The following UBE2E2 variants were observed in gnomAD, a reference collection of about 807,000 sequenced individuals.
The protein encoded by UBE2E2 is ubiquitin-conjugating enzyme E2 E2.
A neutral mutation model predicts 24.7 loss-of-function variants in UBE2E2; 6 were observed. That is an observed-to-expected ratio of 0.24 (90% CI 0.13 to 0.48). The LOEUF (loss-of-function observed/expected upper bound fraction) is 0.48, where lower values mean the gene tolerates loss of function less well. Among genes scored for constraint, UBE2E2 ranks in the 20% least tolerant of loss-of-function variants. UBE2E2 has a pLI of 0.99. For synonymous variants in UBE2E2, 104 were observed against 83.6 expected, an observed-to-expected ratio of 1.24 and a Z score of -1.33; for missense variants, 169 against 245.0, an observed-to-expected ratio of 0.69 and a Z score of 2.07.
intron 5 of UBE2E2, among the ~76,000 whole-genome samples, chr3:23,587,154 A>G (rs1696644634): frequency 6.6e-6 from 1 of 152,238 alleles, no homozygotes. Context: ...CCTTGAAAGC[A>G]ATTAAATGTT....
chr3:23,208,460 G>A (rs893985580), intron 1 of UBE2E2, among the ~76,000 whole-genome samples: 1 of 152,068 alleles, frequency 6.6e-6, no homozygotes, highest in African/African-American at 2.4e-5. Context: ...TATGAATAAT[G>A]TTGCTATGAA....
intron 1 of UBE2E2, among the ~76,000 whole-genome samples, chr3:23,203,713 C>T (rs1696038674): frequency 7.1e-6 from 1 of 141,388 alleles, no homozygotes. Flanking sequence ...CTCTTCTCTC[C>T]CTGTCCTCCT....
At chr3:23,559,503 G>A (rs1252217653) in intron 5 of UBE2E2, among the ~76,000 whole-genome samples, 3 of 152,088 alleles carry the variant, frequency 2.0e-5, no homozygotes, top group African/African-American at 4.8e-5. Flanking sequence ...TTTCATTTCC[G>A]ATTTTAATCA....
At chr3:23,470,124 C>T (rs1212840642) in intron 3 of UBE2E2, among the ~76,000 whole-genome samples, 3 of 152,128 alleles carry the variant, frequency 2.0e-5, no homozygotes, top group Non-Finnish European at 2.9e-5. Context: ...GATATGGAGG[C>T]CGCAATTAAT....
At chr3:23,440,622 A>G (rs987766048) in intron 3 of UBE2E2, among the ~76,000 whole-genome samples, 8 of 152,206 alleles carry the variant, frequency 5.3e-5, no homozygotes, top group Non-Finnish European at 8.8e-5. Flanking sequence ...TTTGAAATAT[A>G]GAACCGTTAG....
At chr3:23,332,147 T>C (rs1473115463) in intron 3 of UBE2E2, among the ~76,000 whole-genome samples, 2 of 152,188 alleles carry the variant, frequency 1.3e-5, no homozygotes, top group African/African-American at 4.8e-5. Context: ...TTTATATCTT[T>C]CCACTTTTTT....
intron 5 of UBE2E2, among the ~76,000 whole-genome samples, chr3:23,557,615 ACT>A (rs1467659709): frequency 1.3e-5 from 2 of 152,098 alleles, no homozygotes; most frequent in Non-Finnish European, 2.9e-5. Flanking sequence ...GAACATGCAA[ACT>A]CTACACAAAC....
chr3:23,269,552 G>T (rs544086748), intron 3 of UBE2E2, among the ~76,000 whole-genome samples: 1 of 152,196 alleles, frequency 6.6e-6, no homozygotes, highest in African/African-American at 2.4e-5. Context: ...CAGGATTTGA[G>T]GGTGGGAGTT....
At chr3:23,496,800 TA>T (rs1220335156) in intron 3 of UBE2E2, among the ~76,000 whole-genome samples, 1 of 152,138 alleles carries the variant, frequency 6.6e-6, no homozygotes, top group Non-Finnish European at 1.5e-5. Context: ...TGCTATGTTG[TA>T]AAATAGGTGT....
intron 5 of UBE2E2, among the ~76,000 whole-genome samples, chr3:23,585,821 C>T (rs1326198568): frequency 6.7e-6 from 1 of 148,606 alleles, no homozygotes; most frequent in Non-Finnish European, 1.5e-5. Flanking sequence ...AAATAGGGTA[C>T]AGTAATTTAT....
intron 3 of UBE2E2, among the ~76,000 whole-genome samples, chr3:23,266,206 T>C (rs2125358047): frequency 6.6e-6 from 1 of 152,336 alleles, no homozygotes; most frequent in African/African-American, 2.4e-5. Flanking sequence ...TAGTTGGTTA[T>C]TTTGCTCATT....
intron 3 of UBE2E2, among the ~76,000 whole-genome samples, chr3:23,449,172 G>A (rs1559386990): frequency 6.6e-6 from 1 of 152,186 alleles, no homozygotes; most frequent in African/African-American, 2.4e-5. Context: ...CCATTGAACT[G>A]TGTGTGCTGC....
chr3:23,300,351 G>T (rs957509649), intron 3 of UBE2E2, among the ~76,000 whole-genome samples: 1 of 152,066 alleles, frequency 6.6e-6, no homozygotes, highest in East Asian at 1.9e-4. Context: ...TATTTTGCTC[G>T]ATAGTTGATG....
intron 4 of UBE2E2, among the ~76,000 whole-genome samples, chr3:23,500,415 A>T (rs1010028852): frequency 6.6e-6 from 1 of 152,226 alleles, no homozygotes; most frequent in Non-Finnish European, 1.5e-5. Flanking sequence ...CCAAGGTTAT[A>T]TACTTTAGAA....
Position 23,303,458 on chromosome 3 carries a change from C to T in UBE2E2, c.227+86146C>T, listed in dbSNP as rs184544448. ...ACCGCTGAAATAACAGAAATCCTCACTACTGCTTTTATTTAGAAGCATTTT... is the reference window on the plus strand; with the variant it reads ...ACCGCTGAAATAACAGAAATCCTCATTACTGCTTTTATTTAGAAGCATTTT... On this transcript the variant is annotated intron_variant, in intron 3 of 5. Transcript: ENST00000396703. Among the ~76,000 whole-genome samples, 937 of 152,216 alleles carry T rather than the reference C, an allele frequency of 6.2e-3. 13 individuals carry two copies. Among genetic ancestry groups the T allele is most frequent in the African/African-American group, 0.021 (869 of 41,538 alleles).
chr3:23,579,600 T>G (rs1385415566), intron 5 of UBE2E2, among the ~76,000 whole-genome samples: 1 of 151,116 alleles, frequency 6.6e-6, no homozygotes, highest in Non-Finnish European at 1.5e-5. Context: ...CTTGGGAGAC[T>G]GATACAGGAG....
intron 3 of UBE2E2, among the ~76,000 whole-genome samples, chr3:23,250,018 A>G (rs1020812744): frequency 2.6e-5 from 4 of 152,232 alleles, no homozygotes; most frequent in Admixed American, 2.0e-4. Context: ...GTTATATGCC[A>G]GACACTGATC....
chr3:23,373,670 A>G (rs1176970370), intron 3 of UBE2E2, among the ~76,000 whole-genome samples: 1 of 152,134 alleles, frequency 6.6e-6, no homozygotes, highest in Non-Finnish European at 1.5e-5. Flanking sequence ...CAGGTATTGT[A>G]TTTTAATATT....
rs771683681 is a variant in UBE2E2 at position 23,523,670 on chromosome 3, T to C, written c.361-8884T>C. 4.6e-5 allele frequency among the ~76,000 whole-genome samples: 7 copies of C among 152,270 alleles called. No individual in the cohort carries two copies. The South Asian group carries it at 6.2e-4, about 14-fold the overall frequency. On this transcript the variant is annotated intron_variant, in intron 4 of 5. Coordinates refer to ENST00000396703, the MANE Select transcript of UBE2E2 (RefSeq NM_152653.4). ...TTTGCTAATGTGTATTTCTTAGATA[T>C]ACATATTTTTCAGGATTTATTCCCT... is the stretch of plus-strand genomic sequence containing the variant.
Sources: allele counts gnomAD v4.1 joint callset (sites outside exome capture counted in the v4.1 genomes callset), GRCh38; gene constraint gnomAD v4.1.1; transcripts MANE v1.5; gene names NCBI Gene and HGNC (gene_info 2026-07-23, HGNC 2026-07-21).